RGS7: variants seen among roughly 807,000 people sequenced by gnomAD.
RGS7 encodes regulator of G protein signaling 7, also known as regulator of G-protein signaling 7.
RGS7 carries 27 observed loss-of-function variants against 81.1 expected under a neutral mutation model. That is an observed-to-expected ratio of 0.33 (90% CI 0.25 to 0.46). The LOEUF (loss-of-function observed/expected upper bound fraction) is 0.46, where lower values mean the gene tolerates loss of function less well. Ranked by LOEUF, RGS7 falls within the 20% of genes least tolerant of loss-of-function variation. The pLI is 1.00. For missense variants in RGS7, 396 were observed against 607.4 expected (o/e 0.65, Z 3.66); for synonymous variants, 208 against 207.7 (o/e 1.00, Z -0.01).
intron 2 of RGS7, among the ~76,000 whole-genome samples, chr1:241,326,333 A>G (rs1415803217): frequency 6.6e-6 from 1 of 152,180 alleles, no homozygotes; most frequent in African/African-American, 2.4e-5. Context: ...TGGATAAACC[A>G]TAGGCTACCT....
intron 3 of RGS7, among the ~76,000 whole-genome samples, chr1:241,061,378 A>G (rs993696222): frequency 2.6e-5 from 4 of 152,220 alleles, no homozygotes. Flanking sequence ...TGAGGACATC[A>G]AGAAAAATTT....
intron 2 of RGS7, among the ~76,000 whole-genome samples, chr1:241,282,497 CA>C: frequency 6.6e-6 from 1 of 152,188 alleles, no homozygotes; most frequent in East Asian, 1.9e-4. Context: ...GAATTTTCTA[CA>C]TAGACAATCA....
intron 2 of RGS7, among the ~76,000 whole-genome samples, chr1:241,207,348 C>CATATATATATATATATATATATATAT (rs540737449): frequency 0.012 from 1,753 of 143,272 alleles, 26 homozygotes; most frequent in East Asian, 0.016. Context: ...CTTTAAAATG[C>CATATATATATATATATATATATATAT]ATATATATAT....
At chr1:241,206,886 G>A (rs1263287068) in intron 2 of RGS7, among the ~76,000 whole-genome samples, 1 of 149,996 alleles carries the variant, frequency 6.7e-6, no homozygotes, top group African/African-American at 2.5e-5. Context: ...AGCACTTAGT[G>A]CTGTCTCAAT....
chr1:241,339,979 C>T (rs2082445193), intron 2 of RGS7, among the ~76,000 whole-genome samples: 1 of 152,136 alleles, frequency 6.6e-6, no homozygotes, highest in African/African-American at 2.4e-5. Context: ...CAAATCAATA[C>T]AGAGCAAGTA....
At chr1:241,089,020 CATCTCTCT>C (rs2063666169) in intron 3 of RGS7, among the ~76,000 whole-genome samples, 3 of 45,418 alleles carry the variant, frequency 6.6e-5, no homozygotes, top group Admixed American at 2.3e-4. Flanking sequence ...AGCAAGACTC[CATCTCTCT>C]CTCTCTCTCT....
rs116131196 is a variant in RGS7, at chr1:240,833,682, C to T, written c.610-6510G>A. Among the ~76,000 whole-genome samples, 710 of 152,258 alleles carry T rather than the reference C, an allele frequency of 4.7e-3. 9 individuals are homozygous for T. Among genetic ancestry groups the T allele is most frequent in the African/African-American group, 0.017 (688 of 41,534 alleles). On this transcript the variant is annotated intron_variant, in intron 9 of 18. Transcript: ENST00000440928. The stretch of plus-strand genomic sequence containing the variant: ...TGTAATACAGTACAAGTTATAAAAA[C>T]TGCATGCATGATCCATAGTACCCCA...
chr1:240,823,809 C>G (rs2103169810), intron 10 of RGS7, among the ~76,000 whole-genome samples: 1 of 150,598 alleles, frequency 6.6e-6, no homozygotes, highest in East Asian at 2.0e-4. Flanking sequence ...CTCTGTCTCT[C>G]TCCCCCCTCC....
chr1:241,318,460 CT>C (rs773114304), intron 2 of RGS7, among the ~76,000 whole-genome samples: 98 of 146,148 alleles, frequency 6.7e-4, no homozygotes, highest in Admixed American at 1.1e-3. Flanking sequence ...TTTCTTTTTT[CT>C]TTTTTTTTTT....
At chr1:241,098,016 G>C (rs1264733941) in intron 3 of RGS7, among the ~76,000 whole-genome samples, 1 of 152,136 alleles carries the variant, frequency 6.6e-6, no homozygotes, top group Non-Finnish European at 1.5e-5. Context: ...ACCTGTTCCT[G>C]CAACAGCCTT....
intron 2 of RGS7, among the ~76,000 whole-genome samples, chr1:241,270,014 A>T (rs1367391008): frequency 1.3e-5 from 2 of 152,194 alleles, no homozygotes; most frequent in African/African-American, 4.8e-5. Context: ...ATAGCACAGG[A>T]GCAGATATAT....
chr1:240,955,551 C>CAAAAAAAAAAAAAAAAAAAAAAAAAAA (rs369155474), intron 4 of RGS7, among the ~76,000 whole-genome samples: 6 of 140,274 alleles, frequency 4.3e-5, no homozygotes, highest in Non-Finnish European at 9.2e-5. Flanking sequence ...GACTCTGTCT[C>CAAAAAAAAAAAAAAAAAAAAAAAAAAA]AAAAAAAAAA....
intron 2 of RGS7, among the ~76,000 whole-genome samples, chr1:241,263,473 G>C (rs561400188): frequency 6.6e-6 from 1 of 152,222 alleles, no homozygotes; most frequent in South Asian, 2.1e-4. Context: ...AAAACCAACA[G>C]GGCTCGTCTC....
intron 6 of RGS7, among the ~76,000 whole-genome samples, chr1:240,888,805 C>G (rs941052716): frequency 2.6e-5 from 4 of 151,984 alleles, no homozygotes; most frequent in African/African-American, 7.3e-5. Flanking sequence ...AGGCATTAGA[C>G]CGGAATCGAC....
intron 2 of RGS7, among the ~76,000 whole-genome samples, chr1:241,140,703 G>A (rs575437258): frequency 6.6e-6 from 1 of 152,278 alleles, no homozygotes; most frequent in South Asian, 2.1e-4. Flanking sequence ...GAGCCACTAT[G>A]CCCAATCTGG....
intron 2 of RGS7, among the ~76,000 whole-genome samples, chr1:241,332,557 G>C (rs2082029488): frequency 6.6e-6 from 1 of 152,180 alleles, no homozygotes; most frequent in East Asian, 1.9e-4. Context: ...GGGAGAGGGA[G>C]GACTGAATGA....
At chr1:241,323,277 T>A (rs1276216458) in intron 2 of RGS7, among the ~76,000 whole-genome samples, 2 of 152,254 alleles carry the variant, frequency 1.3e-5, no homozygotes, top group Non-Finnish European at 2.9e-5. Flanking sequence ...ATGTTTTAAA[T>A]ACCAATGAAT....
At chr1:241,272,087 G>C (rs1287938288) in intron 2 of RGS7, among the ~76,000 whole-genome samples, 1 of 151,594 alleles carries the variant, frequency 6.6e-6, no homozygotes, top group Non-Finnish European at 1.5e-5. Flanking sequence ...TCCGCCTCCC[G>C]GGTTCACGCC....
chr1:240,955,424 C>T lies in RGS7; in HGVS notation c.227-18718G>A, dbSNP rs541946000. Among the ~76,000 whole-genome samples the T allele has an allele frequency of 1.8e-3, 273 of 151,880 alleles. 2 individuals carry two copies. Among genetic ancestry groups the T allele is most frequent in the Non-Finnish European group, 2.8e-3 (191 of 67,950 alleles). The stretch of plus-strand genomic sequence containing the variant: ...AAAATTAGCCAGACATGGTGGTGGG[C>T]GCCTGTAGTCTCAGCTACTTGGGAG... On this transcript the variant is annotated intron_variant, in intron 4 of 18. Coordinates refer to ENST00000440928, the MANE Select transcript of RGS7 (RefSeq NM_001364886.1).
Sources: allele counts gnomAD v4.1 joint callset (sites outside exome capture counted in the v4.1 genomes callset), GRCh38; gene constraint gnomAD v4.1.1; transcripts MANE v1.5; gene names NCBI Gene and HGNC (gene_info 2026-07-23, HGNC 2026-07-21).